Variants in PTPRD observed in about 807,000 individuals in gnomAD.
PTPRD encodes the protein receptor-type tyrosine-protein phosphatase delta.
In PTPRD, 34 loss-of-function variants were observed where a neutral mutation model predicts 214.5. That is an observed-to-expected ratio of 0.16 (90% CI 0.12 to 0.21). PTPRD has a LOEUF of 0.21. Among genes scored for constraint, PTPRD ranks in the 10% least tolerant of loss-of-function variants. PTPRD has a pLI of 1.00. For missense variants in PTPRD, 2,545 were observed against 2,398.7 expected, an observed-to-expected ratio of 1.06 and a Z score of -1.27; for synonymous variants, 1,128 against 845.7, an observed-to-expected ratio of 1.33 and a Z score of -5.79.
intron 3 of PTPRD, among the ~76,000 whole-genome samples, chr9:10,336,851 GA>G (rs2096853197): frequency 6.6e-6 from 1 of 151,620 alleles, no homozygotes; most frequent in African/African-American, 2.4e-5. Context: ...AGGAAAACTG[GA>G]GCTTTGGAAG....
chr9:10,546,593 A>T (rs1566862785), intron 2 of PTPRD, among the ~76,000 whole-genome samples: 1 of 152,034 alleles, frequency 6.6e-6, no homozygotes, highest in East Asian at 1.9e-4. Context: ...ATTGGTACTA[A>T]TTGACACAAT....
intron 4 of PTPRD, among the ~76,000 whole-genome samples, chr9:10,009,094 CTAA>C (rs1487916113): frequency 6.6e-6 from 1 of 151,686 alleles, no homozygotes; most frequent in Non-Finnish European, 1.5e-5. Context: ...AATCAATTAC[CTAA>C]TGTCATAGAA....
At chr9:8,411,562 C>G (rs2093528088) in intron 35 of PTPRD, among the ~76,000 whole-genome samples, 1 of 152,152 alleles carries the variant, frequency 6.6e-6, no homozygotes. Flanking sequence ...CCTTGGCTTC[C>G]CAAAGTGTTG....
chr9:8,469,845 G>C (rs1184496555), intron 31 of PTPRD, among the ~76,000 whole-genome samples: 1 of 152,074 alleles, frequency 6.6e-6, no homozygotes, highest in Admixed American at 6.6e-5. Flanking sequence ...AATGAAGCCA[G>C]TGATCATAAA....
intron 33 of PTPRD, among the ~76,000 whole-genome samples, chr9:8,455,652 C>G (rs1024822077): frequency 1.3e-5 from 2 of 152,116 alleles, no homozygotes; most frequent in African/African-American, 2.4e-5. Flanking sequence ...CACACACATA[C>G]AAAGTAAATG....
intron 5 of PTPRD, among the ~76,000 whole-genome samples, chr9:9,888,378 G>A (rs115062712): frequency 1.4e-3 from 209 of 152,242 alleles, no homozygotes; most frequent in African/African-American, 4.7e-3. Context: ...ATTGTGAGGC[G>A]ATGAGTATAC....
At chr9:10,126,268 G>T (rs1264138335) in intron 3 of PTPRD, among the ~76,000 whole-genome samples, 1 of 151,838 alleles carries the variant, frequency 6.6e-6, no homozygotes, top group African/African-American at 2.4e-5. Context: ...TATACGACAT[G>T]GCATTTACGT....
Position 8,558,142 on chromosome 9 carries a change from C to T in PTPRD, c.353-29363G>A, listed in dbSNP as rs184461808. Among the ~76,000 whole-genome samples, 9 of 152,296 alleles carry T rather than the reference C, an allele frequency of 5.9e-5. 1 individual carries two copies. In the East Asian group the frequency reaches 1.7e-3, roughly 29 times the overall value. On this transcript the variant is annotated intron_variant, in intron 14 of 45. Transcript: ENST00000381196. ...GTACAGAGAGACGGACAAAGCAGGC[C>T]TTGCCTCCCTACCTAGGTTTGACTG...
chr9:8,834,453 A>G (rs1156358301), intron 11 of PTPRD, among the ~76,000 whole-genome samples: 1 of 152,188 alleles, frequency 6.6e-6, no homozygotes, highest in Non-Finnish European at 1.5e-5. Context: ...TTCATAAAAA[A>G]TGTTATTAAC....
intron 11 of PTPRD, among the ~76,000 whole-genome samples, chr9:8,831,841 C>A (rs1432317601): frequency 6.6e-6 from 1 of 152,132 alleles, no homozygotes; most frequent in African/African-American, 2.4e-5. Flanking sequence ...TTTACATATA[C>A]TAATTTGACA....
intron 2 of PTPRD, among the ~76,000 whole-genome samples, chr9:10,432,658 T>C (rs1264900436): frequency 7.2e-5 from 11 of 151,938 alleles, no homozygotes; most frequent in Non-Finnish European, 1.5e-4. Context: ...TCATTGAATA[T>C]ACTGATTAAA....
intron 3 of PTPRD, among the ~76,000 whole-genome samples, chr9:10,279,046 TC>T (rs2094928063): frequency 1.3e-5 from 2 of 152,194 alleles, no homozygotes; most frequent in Admixed American, 6.5e-5. Flanking sequence ...AGTGCTGGGC[TC>T]ACAGGCCTGA....
chr9:8,682,070 G>A (rs1470433780), intron 12 of PTPRD, among the ~76,000 whole-genome samples: 3 of 152,044 alleles, frequency 2.0e-5, no homozygotes, highest in African/African-American at 4.8e-5. Context: ...ACATATGTAC[G>A]TAAAAAATTC....
chr9:9,821,648 C>A (rs868162568), intron 5 of PTPRD, among the ~76,000 whole-genome samples: 1 of 151,972 alleles, frequency 6.6e-6, no homozygotes, highest in Non-Finnish European at 1.5e-5. Flanking sequence ...ATTGTTGCCA[C>A]ACGTATTTTT....
intron 9 of PTPRD, among the ~76,000 whole-genome samples, chr9:9,393,805 A>C (rs1364611945): frequency 6.6e-6 from 1 of 152,180 alleles, no homozygotes; most frequent in Non-Finnish European, 1.5e-5. Flanking sequence ...TAAATAATTT[A>C]GCACAAGGCC....
chr9:8,830,559 A>G (rs1343200060), intron 11 of PTPRD, among the ~76,000 whole-genome samples: 1 of 152,112 alleles, frequency 6.6e-6, no homozygotes, highest in Non-Finnish European at 1.5e-5. Context: ...CCAAACAGAA[A>G]AGTGAGGACC....
At chr9:8,917,403 C>T (rs2154266404) in intron 11 of PTPRD, among the ~76,000 whole-genome samples, 1 of 151,794 alleles carries the variant, frequency 6.6e-6, no homozygotes, top group African/African-American at 2.4e-5. Context: ...TCCCAAAGTG[C>T]TGGGATTACA....
intron 3 of PTPRD, among the ~76,000 whole-genome samples, chr9:10,229,001 C>CAA (rs763479837): frequency 1.3e-5 from 2 of 151,828 alleles, no homozygotes; most frequent in Non-Finnish European, 2.9e-5. Flanking sequence ...GCACTAAGAT[C>CAA]AAAGCCTGAT....
chr9:10,525,110 T>G (rs2053839786), intron 2 of PTPRD, among the ~76,000 whole-genome samples: 1 of 152,176 alleles, frequency 6.6e-6, no homozygotes, highest in South Asian at 2.1e-4. Context: ...TTGACAGTTC[T>G]TTTATTCCAA....
Sources: gnomAD v4.1 joint callset for allele counts (sites outside exome capture counted in the v4.1 genomes callset) on GRCh38, gnomAD v4.1.1 for gene constraint, MANE v1.5 for transcripts, NCBI Gene and HGNC (gene_info 2026-07-23, HGNC 2026-07-21) for gene names.